SPOCK3: variants seen among roughly 807,000 people sequenced by gnomAD.
SPOCK3 encodes the protein SPARC (osteonectin), cwcv and kazal like domains proteoglycan 3, also known as testican-3.
A neutral mutation model predicts 56.6 loss-of-function variants in SPOCK3; 30 were observed. The observed-to-expected ratio is 0.53, with a 90% CI of 0.40 to 0.72. SPOCK3 has a LOEUF of 0.72. Ranked by LOEUF, SPOCK3 falls within the 30% of genes least tolerant of loss-of-function variation. The pLI, the probability that SPOCK3 is intolerant of heterozygous loss-of-function variation, is 0.00. For synonymous variants in SPOCK3, 196 were observed against 183.3 expected (o/e 1.07, Z -0.56); for missense variants, 527 against 530.0 (o/e 0.99, Z 0.06).
chr4:167,083,321 C>T (rs1207009442), intron 2 of SPOCK3: 4 of 764,140 alleles, frequency 5.2e-6, no homozygotes, highest in East Asian at 4.9e-5. Context: ...TACTGAGATG[C>T]CCCACAGTTC....
At chr4:167,147,691 C>T (rs910333838) in intron 2 of SPOCK3, among the ~76,000 whole-genome samples, 7 of 152,092 alleles carry the variant, frequency 4.6e-5, no homozygotes, top group African/African-American at 1.7e-4. Flanking sequence ...CCATTATTCT[C>T]AGCAAACTAT....
At chr4:166,903,278 A>G (rs192146286) in intron 5 of SPOCK3, among the ~76,000 whole-genome samples, 4 of 151,880 alleles carry the variant, frequency 2.6e-5, no homozygotes, top group Admixed American at 1.3e-4. Flanking sequence ...GAAAGTATAT[A>G]TTGAGGCTTC....
chr4:167,132,061 T>A (rs1439477468), intron 2 of SPOCK3, among the ~76,000 whole-genome samples: 1 of 152,190 alleles, frequency 6.6e-6, no homozygotes, highest in African/African-American at 2.4e-5. Flanking sequence ...CACCAATAAA[T>A]AATCACCTAC....
intron 5 of SPOCK3, among the ~76,000 whole-genome samples, chr4:166,909,646 C>T (rs1296264572): frequency 6.6e-6 from 1 of 152,100 alleles, no homozygotes; most frequent in East Asian, 1.9e-4. Flanking sequence ...CTCATCATAT[C>T]TGGCTTCTGA....
chr4:167,201,687 T>C (rs554757570), intron 2 of SPOCK3, among the ~76,000 whole-genome samples: 1 of 151,972 alleles, frequency 6.6e-6, no homozygotes, highest in Non-Finnish European at 1.5e-5. Context: ...CCTTTTTTTT[T>C]TTCTTCTTTA....
At chr4:166,881,890 C>A (rs1468659991) in intron 6 of SPOCK3, among the ~76,000 whole-genome samples, 1 of 152,066 alleles carries the variant, frequency 6.6e-6, no homozygotes, top group Non-Finnish European at 1.5e-5. Context: ...AAAGCTAATA[C>A]GTCCTATACT....
chr4:166,901,276 GTC>G (rs1437330865), intron 5 of SPOCK3, among the ~76,000 whole-genome samples: 1 of 152,106 alleles, frequency 6.6e-6, no homozygotes, highest in East Asian at 1.9e-4. Flanking sequence ...AAGGAGTAGA[GTC>G]TGTTATTCTA....
rs1408580126 is a variant in SPOCK3 at position 167,233,544 on chromosome 4, A to G, written c.189+441T>C. ...GAGAGCGGGCATTTATAAATCTTAC[A>G]TCTTCCTACCTCCTCCCTCAAATTC... On this transcript the variant is annotated intron_variant, in intron 2 of 10. Transcript: ENST00000357545. 1.3e-5 allele frequency among the ~76,000 whole-genome samples: 2 copies of G among 152,058 alleles called. 1 individual carries two copies. The highest frequency in any genetic ancestry group is 2.9e-5 in the Non-Finnish European group (2 of 68,000).
chr4:167,169,236 C>T (rs1730279511), intron 2 of SPOCK3, among the ~76,000 whole-genome samples: 1 of 152,158 alleles, frequency 6.6e-6, no homozygotes, highest in African/African-American at 2.4e-5. Flanking sequence ...CCTCCAGAAC[C>T]CAGAATAGTG....
At chr4:167,205,455 TA>T (rs1734125466) in intron 2 of SPOCK3, among the ~76,000 whole-genome samples, 1 of 49,896 alleles carries the variant, frequency 2.0e-5, no homozygotes, top group Middle Eastern at 0.013. Context: ...ATATATTATA[TA>T]AATATATAGA....
chr4:166,844,336 A>T (rs1234638237), intron 6 of SPOCK3, among the ~76,000 whole-genome samples: 1 of 152,186 alleles, frequency 6.6e-6, no homozygotes, highest in Non-Finnish European at 1.5e-5. Context: ...GATGTAATAC[A>T]TGTCTTAGCA....
intron 9 of SPOCK3, among the ~76,000 whole-genome samples, chr4:166,740,483 T>C (rs1734712122): frequency 6.7e-6 from 1 of 148,330 alleles, no homozygotes; most frequent in African/African-American, 2.5e-5. Context: ...AAGACAAATC[T>C]ATATAAGAAC....
At chr4:167,027,318 C>A (rs1389968854) in intron 3 of SPOCK3, among the ~76,000 whole-genome samples, 5 of 151,976 alleles carry the variant, frequency 3.3e-5, no homozygotes, top group Non-Finnish European at 7.4e-5. Flanking sequence ...TTAATTTTGT[C>A]AATGTTTACA....
intron 6 of SPOCK3, among the ~76,000 whole-genome samples, chr4:166,832,905 G>A (rs1052317265): frequency 6.6e-6 from 1 of 152,236 alleles, no homozygotes; most frequent in South Asian, 2.1e-4. Flanking sequence ...CTACTAGAGT[G>A]GGGTGGGAAG....
At chr4:166,971,846 A>G (rs958908879) in intron 4 of SPOCK3, among the ~76,000 whole-genome samples, 1 of 152,146 alleles carries the variant, frequency 6.6e-6, no homozygotes, top group Non-Finnish European at 1.5e-5. Flanking sequence ...ACTCTCTGTC[A>G]GATTACTACT....
At chr4:166,913,583 G>C (rs945926472) in intron 4 of SPOCK3, among the ~76,000 whole-genome samples, 2 of 152,124 alleles carry the variant, frequency 1.3e-5, no homozygotes, top group African/African-American at 4.8e-5. Context: ...GATGAGAATA[G>C]ATATTTTACC....
chr4:166,814,890 T>C (rs1744225409), intron 6 of SPOCK3, among the ~76,000 whole-genome samples: 1 of 152,066 alleles, frequency 6.6e-6, no homozygotes, highest in South Asian at 2.1e-4. Flanking sequence ...TTTTCTCTAG[T>C]TAAAAATGTA....
chr4:167,142,585 C>A lies in SPOCK3; in HGVS notation c.190-80048G>T, dbSNP rs1020976556. ...AGGAGGAATGCTTTGAACAAACAAA[C>A]GGAAGAAAATAATGTGAATAAAGAA... is the stretch of plus-strand genomic sequence containing the variant. On this transcript the variant is annotated intron_variant, in intron 2 of 10. Transcript: ENST00000357545. Among the ~76,000 whole-genome samples, 4 of 151,776 alleles carry A rather than the reference C, an allele frequency of 2.6e-5. No homozygotes were observed. The South Asian group carries it at 8.3e-4, about 31-fold the overall frequency.
intron 4 of SPOCK3, among the ~76,000 whole-genome samples, chr4:166,954,173 G>T (rs546652261): frequency 6.6e-6 from 1 of 151,988 alleles, no homozygotes; most frequent in Non-Finnish European, 1.5e-5. Flanking sequence ...TTTATAATAG[G>T]TTGGTGCAAA....
Sources: gnomAD v4.1 joint callset for allele counts (sites outside exome capture counted in the v4.1 genomes callset) on GRCh38, gnomAD v4.1.1 for gene constraint, MANE v1.5 for transcripts, NCBI Gene and HGNC (gene_info 2026-07-23, HGNC 2026-07-21) for gene names.